Variants in DSCAM observed in about 807,000 individuals in gnomAD.
DSCAM encodes the protein DS cell adhesion molecule, also known as cell adhesion molecule DSCAM.
In DSCAM, 47 loss-of-function variants were observed where a neutral mutation model predicts 217.7. The observed-to-expected ratio is 0.22, with a 90% confidence interval of 0.17 to 0.28. The LOEUF (loss-of-function observed/expected upper bound fraction) is 0.28, where lower values mean the gene tolerates loss of function less well. Among genes scored for constraint, DSCAM ranks in the 10% least tolerant of loss-of-function variants. The pLI, the probability that DSCAM is intolerant of heterozygous loss-of-function variation, is 1.00. For synonymous variants in DSCAM, 1,056 were observed against 1,015.3 expected (o/e 1.04, Z -0.76); for missense variants, 2,080 against 2,618.3 (o/e 0.79, Z 4.49).
intron 11 of DSCAM, among the ~76,000 whole-genome samples, chr21:40,207,856 T>C (rs57025861): frequency 0.094 from 14,257 of 152,176 alleles, 936 homozygotes; most frequent in African/African-American, 0.18. Flanking sequence ...CATCTTCACC[T>C]GGGGTCCTCA....
intron 1 of DSCAM, among the ~76,000 whole-genome samples, chr21:40,732,552 G>C (rs193212261): frequency 1.2e-3 from 176 of 152,308 alleles, no homozygotes; most frequent in Non-Finnish European, 1.8e-3. Flanking sequence ...ATGTGGACAA[G>C]GTCCTCTAAT....
At chr21:40,485,706 A>G (rs985532394) in intron 3 of DSCAM, among the ~76,000 whole-genome samples, 9 of 152,136 alleles carry the variant, frequency 5.9e-5, no homozygotes, top group African/African-American at 2.2e-4. Context: ...TGTTACTTAC[A>G]TGCATATGTT....
At chr21:40,366,561 A>T (rs564425218) in intron 4 of DSCAM, among the ~76,000 whole-genome samples, 1 of 152,294 alleles carries the variant, frequency 6.6e-6, no homozygotes, top group Admixed American at 6.5e-5. Flanking sequence ...TATAGTTTTC[A>T]TATGATTTGT....
chr21:40,055,834 A>G lies in DSCAM; in HGVS notation c.4926T>C (p.Asn1642=), dbSNP rs538166594. ...KSLAEMLMSK[N]TRTSDTLSKQ... ...TGCTTAACGTATCTGAAGTCCGGGT[A>G]TTCTTACTGGGAATAAAATGGGGTA... is the stretch of plus-strand genomic sequence containing the variant. Residue 1642 remains asparagine (N), a synonymous_variant, in exon 29 of 33, where the codon AAT becomes AAC. Coordinates refer to ENST00000400454, the MANE Select transcript of DSCAM (RefSeq NM_001389.5). 1 of 1,612,566 alleles carries G rather than the reference A, an allele frequency of 6.2e-7. No homozygotes were observed. Among genetic ancestry groups the G allele is most frequent in the South Asian group, 1.1e-5 (1 of 91,052 alleles).
intron 11 of DSCAM, among the ~76,000 whole-genome samples, chr21:40,265,346 A>G (rs1432539230): frequency 1.3e-5 from 2 of 152,208 alleles, no homozygotes. Context: ...GAAAGAAATC[A>G]TAGATGACAA....
chr21:40,055,983 A>G (rs2089014062), intron 28 of DSCAM, 143 bp from the exon 29 acceptor site: 1 of 528,556 alleles, frequency 1.9e-6, no homozygotes, highest in Admixed American at 3.2e-5. Flanking sequence ...ACATACTATG[A>G]AAACGTTTCC....
chr21:40,459,782 A>AG (rs1335271468), intron 3 of DSCAM, among the ~76,000 whole-genome samples: 6 of 151,740 alleles, frequency 4.0e-5, no homozygotes, highest in Non-Finnish European at 8.8e-5. Context: ...AAACATGCAA[A>AG]AACAACCAGA....
intron 3 of DSCAM, among the ~76,000 whole-genome samples, chr21:40,683,907 G>A (rs1461448728): frequency 1.3e-5 from 2 of 152,074 alleles, no homozygotes; most frequent in African/African-American, 4.8e-5. Flanking sequence ...AAAAACACCT[G>A]AGCATCCAGA....
intron 10 of DSCAM, among the ~76,000 whole-genome samples, chr21:40,287,888 T>A (rs1050874585): frequency 5.9e-5 from 9 of 152,108 alleles, no homozygotes; most frequent in African/African-American, 2.2e-4. Context: ...TAATGGTGGA[T>A]TCTCTGGAGC....
Position 40,189,247 on chromosome 21 carries a change from G to A in DSCAM, c.2357-9C>T. 1 of 1,556,526 alleles carries A rather than the reference G, an allele frequency of 6.4e-7. No individual in the cohort carries two copies. Among genetic ancestry groups the A allele is most frequent in the Admixed American group, 2.0e-5 (1 of 50,582 alleles). Reference sequence around the variant, plus strand: ...TGTTATCATCGCAGGAACTGAAAAAGCAAAAGGGACACAACTTGTTCAGCA... The same window carrying A: ...TGTTATCATCGCAGGAACTGAAAAAACAAAAGGGACACAACTTGTTCAGCA... On this transcript the variant is annotated splice_polypyrimidine_tract_variant and intron_variant, in intron 11 of 32. Coordinates refer to ENST00000400454, the MANE Select transcript of DSCAM (RefSeq NM_001389.5).
intron 20 of DSCAM, among the ~76,000 whole-genome samples, chr21:40,106,164 C>T (rs187915914): frequency 6.6e-6 from 1 of 152,088 alleles, no homozygotes; most frequent in Non-Finnish European, 1.5e-5. Context: ...AGGGGAACTG[C>T]TCTTTATAAA....
chr21:40,313,345 G>A (rs1031440495), intron 8 of DSCAM, among the ~76,000 whole-genome samples: 11 of 152,114 alleles, frequency 7.2e-5, no homozygotes, highest in Admixed American at 5.2e-4. Flanking sequence ...AAGGAGGTCG[G>A]GTTATAGCCT....
chr21:40,554,177 C>A (rs981417178), intron 3 of DSCAM, among the ~76,000 whole-genome samples: 2 of 150,660 alleles, frequency 1.3e-5, no homozygotes, highest in Admixed American at 6.6e-5. Context: ...CCATGCCTGG[C>A]TGTTTGTTTT....
intron 11 of DSCAM, among the ~76,000 whole-genome samples, chr21:40,270,940 T>C (rs1377343212): frequency 3.3e-5 from 5 of 152,206 alleles, no homozygotes; most frequent in African/African-American, 4.8e-5. Flanking sequence ...TATCCAGGCA[T>C]AGATACACAT....
intron 9 of DSCAM, among the ~76,000 whole-genome samples, chr21:40,301,459 C>G (rs867908149): frequency 6.6e-6 from 1 of 152,228 alleles, no homozygotes. Context: ...GGTCTTCACA[C>G]AGGCTTCTTC....
chr21:40,673,502 C>G (rs995087317), intron 3 of DSCAM, among the ~76,000 whole-genome samples: 2 of 152,072 alleles, frequency 1.3e-5, no homozygotes, highest in African/African-American at 4.8e-5. Context: ...AGTGGCCTTA[C>G]GTTGGAAGTA....
intron 3 of DSCAM, among the ~76,000 whole-genome samples, chr21:40,414,880 A>ATT: frequency 6.6e-6 from 1 of 152,344 alleles, no homozygotes; most frequent in East Asian, 1.9e-4. Flanking sequence ...AGGAAGAGCT[A>ATT]TTTATTCATC....
intron 3 of DSCAM, among the ~76,000 whole-genome samples, chr21:40,428,606 T>G (rs369483369): frequency 4.6e-5 from 7 of 152,202 alleles, no homozygotes; most frequent in East Asian, 3.9e-4. Context: ...TGAACTGCAG[T>G]TATGAGTCTT....
chr21:40,169,443 G>C (rs139289994), intron 15 of DSCAM, among the ~76,000 whole-genome samples: 88 of 152,158 alleles, frequency 5.8e-4, no homozygotes, highest in African/African-American at 1.9e-3. Flanking sequence ...CTCTATCAAG[G>C]TGCCCCTCCC....
Sources: gnomAD v4.1 joint callset for allele counts (sites outside exome capture counted in the v4.1 genomes callset) on GRCh38, gnomAD v4.1.1 for gene constraint, MANE v1.5 for transcripts, NCBI Gene and HGNC (gene_info 2026-07-23, HGNC 2026-07-21) for gene names.